The following CSMD1 variants were observed in gnomAD, a reference collection of about 807,000 sequenced individuals.
CSMD1 encodes the protein CUB and Sushi multiple domains 1, also known as CUB and sushi domain-containing protein 1.
CSMD1 carries 213 observed loss-of-function variants against 417.5 expected under a neutral mutation model. The ratio of observed to expected loss-of-function variants is 0.51; its 90% CI spans 0.46 to 0.57. The LOEUF is 0.57. CSMD1 is among the 20% of genes least tolerant of loss of function. The pLI, the probability that CSMD1 is intolerant of heterozygous loss-of-function variation, is 0.00. For synonymous variants in CSMD1, 2,862 were observed against 1,736.8 expected (o/e 1.65, Z -16.11); for missense variants, 6,923 against 4,529.7 (o/e 1.53, Z -15.17).
Position 3,275,461 on chromosome 8 carries a change from T to C in CSMD1, c.4153+8683A>G, listed in dbSNP as rs566906664. Among the ~76,000 whole-genome samples, 442 of 152,328 alleles carry C rather than the reference T, an allele frequency of 2.9e-3. 5 individuals carry two copies. Among genetic ancestry groups the C allele is most frequent in the African/African-American group, 0.01 (433 of 41,574 alleles). On this transcript the variant is annotated intron_variant, in intron 26 of 69. Transcript: ENST00000635120. Reference sequence around the variant, plus strand: ...TGTGGCATTCTCTGTATTTCCTGAATGTGAATGTTGACCTGCCTTGCTAGA... The same window carrying C: ...TGTGGCATTCTCTGTATTTCCTGAACGTGAATGTTGACCTGCCTTGCTAGA...
chr8:3,419,744 A>C (rs1386138278), intron 12 of CSMD1, among the ~76,000 whole-genome samples: 1 of 152,270 alleles, frequency 6.6e-6, no homozygotes, highest in Non-Finnish European at 1.5e-5. Context: ...TCAAGAAAAA[A>C]ATCTGCATAT....
intron 23 of CSMD1, among the ~76,000 whole-genome samples, chr8:3,327,893 T>G (rs562339136): frequency 2.1e-4 from 32 of 152,302 alleles, no homozygotes; most frequent in African/African-American, 7.7e-4. Context: ...ATATTCACTG[T>G]GACCCGGATC....
At chr8:4,797,322 T>C (rs977666433) in intron 1 of CSMD1, among the ~76,000 whole-genome samples, 2 of 152,192 alleles carry the variant, frequency 1.3e-5, no homozygotes, top group East Asian at 1.9e-4. Context: ...TTGTGGCAGC[T>C]GAGAGTGCAC....
At chr8:4,729,321 T>G (rs1014874641) in intron 1 of CSMD1, among the ~76,000 whole-genome samples, 2 of 152,146 alleles carry the variant, frequency 1.3e-5, no homozygotes, top group African/African-American at 4.8e-5. Context: ...ACAAAGGTGT[T>G]TTGTTGGTGT....
chr8:3,949,900 T>C, intron 5 of CSMD1: 1 of 455,838 alleles, frequency 2.2e-6, no homozygotes. Flanking sequence ...TGTGCCTCCA[T>C]GGGAAGCTCC....
At chr8:4,386,544 C>G (rs995088658) in intron 3 of CSMD1, among the ~76,000 whole-genome samples, 7 of 152,194 alleles carry the variant, frequency 4.6e-5, no homozygotes, top group Admixed American at 1.3e-4. Context: ...GAACTTAAAG[C>G]AAGCCTAAAA....
rs193265686 is a variant in CSMD1, at chr8:4,640,973, G to C, written c.86-3415C>G. On this transcript the variant is annotated intron_variant, in intron 1 of 69. Transcript: ENST00000635120. ...TGGCAATATCAATGGTAAAAAAGAA[G>C]TATATATATATGTATGTGTATATTT... is the stretch of plus-strand genomic sequence containing the variant. Among the ~76,000 whole-genome samples, 286 of 150,470 alleles carry C rather than the reference G, an allele frequency of 1.9e-3. 1 individual carries two copies. Among genetic ancestry groups the C allele is most frequent in the Admixed American group, 5.1e-3 (77 of 15,120 alleles).
chr8:3,075,934 C>T (rs1191206944), intron 49 of CSMD1, among the ~76,000 whole-genome samples: 5 of 151,292 alleles, frequency 3.3e-5, no homozygotes, highest in African/African-American at 1.2e-4. Context: ...GCCTGTAGTC[C>T]CAGCTCCTAG....
intron 3 of CSMD1, among the ~76,000 whole-genome samples, chr8:4,409,965 C>T (rs999620767): frequency 3.3e-5 from 5 of 152,156 alleles, no homozygotes; most frequent in Middle Eastern, 6.8e-3. Context: ...AGGCACCCGC[C>T]ACTACGCCCA....
At chr8:4,027,898 T>C (rs918385898) in intron 4 of CSMD1, among the ~76,000 whole-genome samples, 3 of 152,212 alleles carry the variant, frequency 2.0e-5, no homozygotes, top group Admixed American at 1.3e-4. Context: ...CTTTGATTTT[T>C]TTTCTGAGAG....
At chr8:4,847,432 C>A (rs1801205006) in intron 1 of CSMD1, among the ~76,000 whole-genome samples, 1 of 152,094 alleles carries the variant, frequency 6.6e-6, no homozygotes, top group Non-Finnish European at 1.5e-5. Context: ...TTTGGATTTA[C>A]AGAAAAATTG....
intron 7 of CSMD1, among the ~76,000 whole-genome samples, chr8:3,642,125 G>T (rs1004431135): frequency 7.2e-5 from 11 of 151,752 alleles, no homozygotes; most frequent in African/African-American, 2.7e-4. Context: ...ATGGAAACTG[G>T]AAACTCACAC....
chr8:3,852,659 G>C (rs966608883), intron 5 of CSMD1, among the ~76,000 whole-genome samples: 1 of 142,664 alleles, frequency 7.0e-6, no homozygotes, highest in East Asian at 2.2e-4. Flanking sequence ...AACTGAGGCA[G>C]GCCAAGATGA....
intron 3 of CSMD1, among the ~76,000 whole-genome samples, chr8:4,413,082 T>C (rs1244342586): frequency 6.6e-6 from 1 of 152,206 alleles, no homozygotes; most frequent in African/African-American, 2.4e-5. Flanking sequence ...CACAGCTTCA[T>C]GGAAAGAGAT....
intron 3 of CSMD1, among the ~76,000 whole-genome samples, chr8:4,260,261 T>C (rs1803783353): frequency 6.6e-6 from 1 of 152,232 alleles, no homozygotes. Context: ...CGCTTATTAC[T>C]AGTGAAATTA....
At position 4,341,220 on chromosome 8, in the gene CSMD1, A is replaced by G. The variant is rs151165477; in HGVS notation, c.415+78733T>C. Among the ~76,000 whole-genome samples, 527 of 152,202 alleles carry G rather than the reference A, an allele frequency of 3.5e-3. 3 individuals carry two copies. The highest frequency in any genetic ancestry group is 0.012 in the African/African-American group (512 of 41,554). ...TGCAATGAAGGCAAGTTTCCATGGT[A>G]CTAGCAATTACATAACTGTTTTCCA... On this transcript the variant is annotated intron_variant, in intron 3 of 69. Coordinates refer to ENST00000635120, the MANE Select transcript of CSMD1 (RefSeq NM_033225.6).
At chr8:4,258,393 T>G (rs1004274550) in intron 3 of CSMD1, among the ~76,000 whole-genome samples, 2 of 1,040 alleles carry the variant, frequency 1.9e-3, no homozygotes, top group Non-Finnish European at 1.8e-3. Context: ...GAGGGGAGGA[T>G]GGAAGGAGGG....
At chr8:3,315,579 A>ATAT (rs1805696860) in intron 23 of CSMD1, among the ~76,000 whole-genome samples, 1 of 152,018 alleles carries the variant, frequency 6.6e-6, no homozygotes, top group Non-Finnish European at 1.5e-5. Context: ...TTTTTCCCAT[A>ATAT]TATTAAGTTT....
intron 5 of CSMD1, among the ~76,000 whole-genome samples, chr8:3,795,059 T>A (rs990205264): frequency 7.4e-6 from 1 of 135,874 alleles, no homozygotes; most frequent in East Asian, 2.7e-4. Flanking sequence ...TGTATAGCTA[T>A]AGATATATAT....
Sources: allele counts gnomAD v4.1 joint callset (sites outside exome capture counted in the v4.1 genomes callset), GRCh38; gene constraint gnomAD v4.1.1; transcripts MANE v1.5; gene names NCBI Gene and HGNC (gene_info 2026-07-23, HGNC 2026-07-21).